SETBP1: variants seen among roughly 807,000 people sequenced by gnomAD.
SETBP1 encodes SET-binding protein.
In SETBP1, 9 loss-of-function variants were observed where a neutral mutation model predicts 101.0. The ratio of observed to expected loss-of-function variants is 0.09; its 90% CI spans 0.05 to 0.16. The LOEUF (loss-of-function observed/expected upper bound fraction) is 0.16, where lower values mean the gene tolerates loss of function less well. Ranked by LOEUF, SETBP1 falls within the 10% of genes least tolerant of loss-of-function variation. SETBP1 has a pLI of 1.00. For synonymous variants in SETBP1, 818 were observed against 788.5 expected, an observed-to-expected ratio of 1.04 and a Z score of -0.63; for missense variants, 1,858 against 2,033.8, an observed-to-expected ratio of 0.91 and a Z score of 1.66.
chr18:44,919,299 A>T (rs1046118932), intron 3 of SETBP1, among the ~76,000 whole-genome samples: 4 of 151,632 alleles, frequency 2.6e-5, no homozygotes, highest in Non-Finnish European at 4.4e-5. Flanking sequence ...ATGTTACTCT[A>T]TCAGAAAGGG....
chr18:44,727,214 G>GTGTGTA (rs1292895940), intron 2 of SETBP1, among the ~76,000 whole-genome samples: 1 of 144,090 alleles, frequency 6.9e-6, no homozygotes, highest in African/African-American at 2.5e-5. Flanking sequence ...GTGTGTGTGT[G>GTGTGTA]TGTGTTGATA....
chr18:44,971,096 A>G (rs1019190406), intron 4 of SETBP1, among the ~76,000 whole-genome samples: 6 of 151,610 alleles, frequency 4.0e-5, no homozygotes, highest in African/African-American at 1.2e-4. Flanking sequence ...TCATTGTTCA[A>G]TTCCCACCTA....
At chr18:44,990,979 G>T (rs187854455) in intron 4 of SETBP1, among the ~76,000 whole-genome samples, 3 of 150,372 alleles carry the variant, frequency 2.0e-5, no homozygotes, top group African/African-American at 7.3e-5. Context: ...GGATGGGAGT[G>T]GTGGCTCACG....
intron 5 of SETBP1, among the ~76,000 whole-genome samples, chr18:45,049,346 A>G (rs1159951614): frequency 9.6e-4 from 146 of 152,330 alleles, no homozygotes; most frequent in Non-Finnish European, 1.6e-3. Context: ...AGTACCCAAA[A>G]GTCTAGAATA....
chr18:44,840,657 T>C (rs1568174438), intron 2 of SETBP1, among the ~76,000 whole-genome samples: 1 of 152,172 alleles, frequency 6.6e-6, no homozygotes, highest in African/African-American at 2.4e-5. Context: ...GAGAGGGAGA[T>C]GGGAATGAAG....
chr18:45,063,796 C>A lies in SETBP1; in HGVS notation c.*98C>A. ...CGGAATCCCCCGCTGCAGGGACACC[C>A]ACGCCCTTCTCTCCAGAAGCCGGGC... On this transcript the variant is annotated 3_prime_UTR_variant, in exon 6 of 6. Coordinates refer to ENST00000649279, the MANE Select transcript of SETBP1 (RefSeq NM_015559.3). The A allele has an allele frequency of 7.4e-7, 1 of 1,359,046 alleles. No individual in the cohort carries two copies. The highest frequency in any genetic ancestry group is 1.0e-6 in the Non-Finnish European group (1 of 994,074). The allele number at this position is 1,359,046 out of a possible 1,614,324, so 84.2% of individuals were successfully genotyped here.
chr18:45,036,909 C>T (rs1479114149), intron 4 of SETBP1, among the ~76,000 whole-genome samples: 6 of 152,214 alleles, frequency 3.9e-5, no homozygotes, highest in Non-Finnish European at 7.3e-5. Context: ...TACCTGGAAA[C>T]TTCCAGCTTT....
chr18:44,996,465 C>T (rs1037761665), intron 4 of SETBP1, among the ~76,000 whole-genome samples: 2 of 152,286 alleles, frequency 1.3e-5, no homozygotes, highest in South Asian at 2.1e-4. Flanking sequence ...TCTCTGTCCA[C>T]GTGTAGGCCT....
chr18:44,904,854 C>CTAA (rs2070136266), intron 3 of SETBP1, among the ~76,000 whole-genome samples: 2 of 152,274 alleles, frequency 1.3e-5, no homozygotes, highest in East Asian at 3.9e-4. Context: ...CACTTTCATT[C>CTAA]CTCTAAAGAC....
chr18:44,939,360 G>A (rs759161546), intron 3 of SETBP1, among the ~76,000 whole-genome samples: 2 of 151,612 alleles, frequency 1.3e-5, no homozygotes, highest in African/African-American at 2.4e-5. Flanking sequence ...GGATCTTGGG[G>A]TCTAGCTTCT....
At chr18:45,036,897 G>A (rs1458487839) in intron 4 of SETBP1, among the ~76,000 whole-genome samples, 1 of 152,196 alleles carries the variant, frequency 6.6e-6, no homozygotes, top group Non-Finnish European at 1.5e-5. Flanking sequence ...TTAGTGTCCG[G>A]CTACCTGGAA....
chr18:44,829,952 G>T (rs1411261729), intron 2 of SETBP1, among the ~76,000 whole-genome samples: 1 of 152,150 alleles, frequency 6.6e-6, no homozygotes. Flanking sequence ...GTATAAAATA[G>T]TATTCTTGAG....
intron 4 of SETBP1, among the ~76,000 whole-genome samples, chr18:44,964,971 C>T (rs888899476): frequency 1.3e-5 from 2 of 152,062 alleles, no homozygotes; most frequent in African/African-American, 2.4e-5. Flanking sequence ...AGGAATTGGG[C>T]GTGAAAATCA....
intron 4 of SETBP1, chr18:44,989,023 G>C (rs1340689857): frequency 6.6e-6 from 1 of 152,080 alleles, no homozygotes; most frequent in Non-Finnish European, 1.5e-5. Context: ...GACTCAAATA[G>C]TTCTCATAGA....
At chr18:44,693,970 A>C (rs2068975057) in intron 1 of SETBP1, among the ~76,000 whole-genome samples, 2 of 152,184 alleles carry the variant, frequency 1.3e-5, no homozygotes, top group Admixed American at 1.3e-4. Flanking sequence ...GAAGAAGGGC[A>C]TTGACTTCTG....
In SETBP1 at chr18:44,763,435, G is replaced by A. The variant is rs147598150; in HGVS notation, c.486+61603G>A. On this transcript the variant is annotated intron_variant, in intron 2 of 5. Transcript: ENST00000649279. ...ACTCCCTCTAGGCTTCCTGGCATGT[G>A]GTGAGAAACAGAGAGGCAATTGACA... is the stretch of plus-strand genomic sequence containing the variant. 3.7e-3 allele frequency among the ~76,000 whole-genome samples: 562 copies of A among 152,292 alleles called. 3 individuals carry two copies. Among genetic ancestry groups the A allele is most frequent in the African/African-American group, 0.012 (514 of 41,544 alleles).
At chr18:44,818,261 A>G (rs2072026518) in intron 2 of SETBP1, among the ~76,000 whole-genome samples, 1 of 152,150 alleles carries the variant, frequency 6.6e-6, no homozygotes, top group Non-Finnish European at 1.5e-5. Flanking sequence ...TGCAGAAAGG[A>G]ATTTATTCAT....
intron 2 of SETBP1, among the ~76,000 whole-genome samples, chr18:44,825,855 T>TG (rs2072227089): frequency 1.3e-5 from 2 of 152,230 alleles, no homozygotes; most frequent in Admixed American, 6.5e-5. Context: ...GTATGGTCCT[T>TG]GGTATTACAA....
At chr18:44,967,466 G>A (rs2071746496) in intron 4 of SETBP1, among the ~76,000 whole-genome samples, 1 of 152,226 alleles carries the variant, frequency 6.6e-6, no homozygotes, top group Non-Finnish European at 1.5e-5. Context: ...ACAAACCACA[G>A]ATTTAGCAGT....
Sources: gnomAD v4.1 joint callset for allele counts (sites outside exome capture counted in the v4.1 genomes callset) on GRCh38, gnomAD v4.1.1 for gene constraint, MANE v1.5 for transcripts, NCBI Gene and HGNC (gene_info 2026-07-23, HGNC 2026-07-21) for gene names.